SUMF1: variants seen among roughly 807,000 people sequenced by gnomAD.
The protein encoded by SUMF1 is formylglycine-generating enzyme.
In SUMF1, 48 loss-of-function variants were observed where a neutral mutation model predicts 47.6. The ratio of observed to expected loss-of-function variants is 1.01; its 90% confidence interval spans 0.80 to 1.28. SUMF1 has a LOEUF of 1.28. Among genes scored for constraint, SUMF1 ranks in the 50% most tolerant of loss-of-function variants. The probability of loss-of-function intolerance (pLI) is 0.00; values close to 1 mark genes in which losing one functional copy is unlikely to be tolerated. For synonymous variants in SUMF1, 230 were observed against 192.1 expected (o/e 1.20, Z -1.63); for missense variants, 571 against 485.4 (o/e 1.18, Z -1.66).
At chr3:4,206,080 G>T (rs906712157) in intron 8 of SUMF1, among the ~76,000 whole-genome samples, 1 of 151,878 alleles carries the variant, frequency 6.6e-6, no homozygotes, top group Non-Finnish European at 1.5e-5. Context: ...CCTGAAATGA[G>T]GGCTTCAGGA....
intron 8 of SUMF1, among the ~76,000 whole-genome samples, chr3:4,187,711 G>A (rs771700903): frequency 1.6e-4 from 24 of 152,098 alleles, no homozygotes; most frequent in Admixed American, 5.2e-4. Context: ...TGTGTGTAGA[G>A]GAGTGACTAT....
intron 8 of SUMF1, among the ~76,000 whole-genome samples, chr3:4,192,145 T>C (rs533150160): frequency 4.2e-4 from 64 of 152,206 alleles, no homozygotes; most frequent in African/African-American, 1.3e-3. Context: ...CTCCTGAAAG[T>C]GGCCTGAGGT....
chr3:4,322,319 T>A (rs1214290629), intron 8 of SUMF1, among the ~76,000 whole-genome samples: 1 of 151,888 alleles, frequency 6.6e-6, no homozygotes, highest in Non-Finnish European at 1.5e-5. Context: ...ATATCATAGG[T>A]ATGTATCAAT....
intron 8 of SUMF1, among the ~76,000 whole-genome samples, chr3:4,319,070 AC>A (rs1320374350): frequency 6.6e-6 from 1 of 152,234 alleles, no homozygotes; most frequent in Non-Finnish European, 1.5e-5. Context: ...ATCCCTTAGC[AC>A]CCACTAGGAT....
At chr3:4,340,983 C>A (rs1321675267) in intron 8 of SUMF1, among the ~76,000 whole-genome samples, 1 of 151,698 alleles carries the variant, frequency 6.6e-6, no homozygotes, top group Non-Finnish European at 1.5e-5. Context: ...TTGACTTTTC[C>A]ACACAATATC....
intron 8 of SUMF1, among the ~76,000 whole-genome samples, chr3:4,167,470 G>A (rs1034667546): frequency 6.6e-6 from 1 of 152,070 alleles, no homozygotes; most frequent in African/African-American, 2.4e-5. Context: ...GTGCTGATTG[G>A]TACATCTTAC....
intron 7 of SUMF1, among the ~76,000 whole-genome samples, chr3:4,384,716 T>C (rs1700615229): frequency 1.3e-5 from 2 of 152,184 alleles, no homozygotes; most frequent in Non-Finnish European, 2.9e-5. Flanking sequence ...TATCGGTTTG[T>C]TTAAATATTC....
intron 8 of SUMF1, chr3:4,316,471 C>T (rs749486389): frequency 6.2e-7 from 1 of 1,604,450 alleles, no homozygotes; most frequent in Non-Finnish European, 8.5e-7. Context: ...GATCCCCTTA[C>T]AACTACACGA....
At chr3:4,263,875 T>C (rs1244345011) in intron 8 of SUMF1, among the ~76,000 whole-genome samples, 2 of 152,208 alleles carry the variant, frequency 1.3e-5, no homozygotes, top group African/African-American at 2.4e-5. Context: ...ACGATTGCAA[T>C]TGAGTTGCTT....
intron 8 of SUMF1, among the ~76,000 whole-genome samples, chr3:4,103,191 G>A (rs928587600): frequency 3.3e-5 from 5 of 151,364 alleles, no homozygotes; most frequent in Non-Finnish European, 7.4e-5. Flanking sequence ...CCAAAGTGCT[G>A]AGATTATAGG....
chr3:4,187,527 A>T (rs1004411435), intron 8 of SUMF1, among the ~76,000 whole-genome samples: 1 of 152,200 alleles, frequency 6.6e-6, no homozygotes, highest in Admixed American at 6.5e-5. Flanking sequence ...AGCACAATAT[A>T]GATGCTCAGT....
intron 7 of SUMF1, among the ~76,000 whole-genome samples, chr3:4,403,828 G>C (rs138268700): frequency 7.2e-5 from 11 of 152,156 alleles, no homozygotes; most frequent in Non-Finnish European, 1.3e-4. Context: ...ATTCCCACAG[G>C]GGGAGAGGTT....
At chr3:4,075,021 G>C (rs1391338811) in intron 8 of SUMF1, among the ~76,000 whole-genome samples, 2 of 151,970 alleles carry the variant, frequency 1.3e-5, no homozygotes. Flanking sequence ...TGATACCAAA[G>C]CCTGGCAGAG....
intron 8 of SUMF1, among the ~76,000 whole-genome samples, chr3:4,207,220 C>G (rs1214271477): frequency 2.0e-5 from 3 of 152,050 alleles, no homozygotes; most frequent in Non-Finnish European, 4.4e-5. Flanking sequence ...GTTAAACTTG[C>G]TTATTAAGGC....
intron 8 of SUMF1, among the ~76,000 whole-genome samples, chr3:4,092,951 A>C (rs1692819978): frequency 6.6e-6 from 1 of 152,120 alleles, no homozygotes; most frequent in African/African-American, 2.4e-5. Context: ...AGGAAAAAAA[A>C]ACAAGGAGGA....
In SUMF1 at chr3:4,352,298, T is replaced by A. The variant is rs1240971344; in HGVS notation, c.1014+24032A>T. On this transcript the variant is annotated intron_variant and NMD_transcript_variant, in intron 8 of 12. Transcript: ENST00000448413. ...GGAATATTAACCAAAAATAACCAGT[T>A]CCCCCCCAAAAACTACTCTGCAAAT... Among the ~76,000 whole-genome samples the A allele has an allele frequency of 2.0e-5, 3 of 150,946 alleles. No homozygotes were observed. The South Asian group carries it at 6.3e-4, about 32-fold the overall frequency.
At chr3:4,351,084 T>C (rs1699490971) in intron 8 of SUMF1, among the ~76,000 whole-genome samples, 1 of 152,158 alleles carries the variant, frequency 6.6e-6, no homozygotes, top group Non-Finnish European at 1.5e-5. Context: ...CCACAAGAGA[T>C]TGTTCAAAGG....
intron 8 of SUMF1, among the ~76,000 whole-genome samples, chr3:4,295,061 A>C (rs539953829): frequency 1.3e-5 from 2 of 152,188 alleles, no homozygotes; most frequent in Non-Finnish European, 2.9e-5. Context: ...ATCTAAAAAT[A>C]ATTATAAATC....
chr3:4,340,441 G>A (rs1486176049), intron 8 of SUMF1, among the ~76,000 whole-genome samples: 2 of 152,168 alleles, frequency 1.3e-5, no homozygotes, highest in African/African-American at 4.8e-5. Flanking sequence ...CTTCATGAAA[G>A]TAAATGGAAA....
Sources: gnomAD v4.1 joint callset for allele counts (sites outside exome capture counted in the v4.1 genomes callset) on GRCh38, gnomAD v4.1.1 for gene constraint, MANE v1.5 for transcripts, NCBI Gene and HGNC (gene_info 2026-07-23, HGNC 2026-07-21) for gene names.